The following TNN variants were observed in gnomAD, a reference collection of about 807,000 sequenced individuals.
TNN encodes tenascin-N.
Under a neutral mutation model 134.4 loss-of-function variants are expected in TNN, and 122 were observed. The observed-to-expected ratio is 0.91, with a 90% confidence interval of 0.78 to 1.06. The LOEUF (loss-of-function observed/expected upper bound fraction) is 1.06, where lower values mean the gene tolerates loss of function less well. Among genes scored for constraint, TNN ranks in the 50% least tolerant of loss-of-function variants. The probability of loss-of-function intolerance (pLI) is 0.00; values close to 1 mark genes in which losing one functional copy is unlikely to be tolerated. For missense variants in TNN, 1,739 were observed against 1,699.4 expected (o/e 1.02, Z -0.41); for synonymous variants, 710 against 670.3 (o/e 1.06, Z -0.91).
chr1:175,145,111 C>T (rs1432240932), intron 18 of TNN, among the ~76,000 whole-genome samples: 1 of 152,004 alleles, frequency 6.6e-6, no homozygotes, highest in Non-Finnish European at 1.5e-5. Flanking sequence ...CTCATGTAAA[C>T]CTAATTACCT....
intron 17 of TNN, 147 bp downstream of exon 17, chr1:175,137,135 A>C (rs1675832901): frequency 2.3e-6 from 2 of 860,694 alleles, no homozygotes; most frequent in African/African-American, 3.4e-5. Flanking sequence ...TACTCTCTGC[A>C]GGGGGTCAGG....
intron 15 of TNN, among the ~76,000 whole-genome samples, chr1:175,133,874 T>C (rs1675733569): frequency 6.6e-6 from 1 of 152,182 alleles, no homozygotes; most frequent in African/African-American, 2.4e-5. Context: ...TTCCAGCTTG[T>C]AGTTCTGCTG....
At chr1:175,123,379 T>A in intron 11 of TNN, 21 bp from the exon 12 acceptor site, 1 of 1,612,794 alleles carries the variant, frequency 6.2e-7, no homozygotes, top group Non-Finnish European at 8.5e-7. Context: ...AGTTCAGCCT[T>A]TTCTAAATCT....
At chr1:175,075,365 T>G (rs529527724) in intron 1 of TNN, among the ~76,000 whole-genome samples, 2 of 152,208 alleles carry the variant, frequency 1.3e-5, no homozygotes, top group Non-Finnish European at 2.9e-5. Flanking sequence ...TGGCATGGTC[T>G]CGGCTCACTG....
intron 9 of TNN, among the ~76,000 whole-genome samples, chr1:175,108,083 G>A (rs1574157862): frequency 6.6e-6 from 1 of 151,902 alleles, no homozygotes; most frequent in South Asian, 2.1e-4. Context: ...GTGCCGATTG[G>A]TGTATTTACA....
intron 9 of TNN, among the ~76,000 whole-genome samples, chr1:175,102,606 T>A (rs1490566761): frequency 2.1e-5 from 3 of 145,390 alleles, no homozygotes; most frequent in Non-Finnish European, 4.6e-5. Flanking sequence ...TGCGGGGCCC[T>A]CCAAGCCCAT....
chr1:175,135,816 C>T lies in TNN; in HGVS notation c.3331-29C>T, dbSNP rs115441680. On this transcript the variant is annotated intron_variant, in intron 15 of 18. Transcript: ENST00000239462. ...CAGCACCTATGTCTGTTTGGAGGGTCAGAGTGAAGTATTCATCTTCCTTCT... is the reference window on the plus strand; with the variant it reads ...CAGCACCTATGTCTGTTTGGAGGGTTAGAGTGAAGTATTCATCTTCCTTCT... 7,103 of 1,567,404 alleles carry T rather than the reference C, an allele frequency of 4.5e-3. 29 individuals carry two copies. Among genetic ancestry groups the T allele is most frequent in the Non-Finnish European group, 5.4e-3 (6,146 of 1,137,710 alleles).
In TNN at chr1:175,126,990, G is replaced by GT. The variant is rs1558370140; in HGVS notation, c.2951dup (p.Thr985AsnfsTer31). Reference sequence around the variant, plus strand: ...TCCCAGAAACCTTCGTCCATCTGCTGTAACGCAGTCTGGTGGCATATTGAC... The same window carrying GT: ...TCCCAGAAACCTTCGTCCATCTGCTGTTAACGCAGTCTGGTGGCATATTGAC... On this transcript the variant is annotated frameshift_variant, in exon 13 of 19. Transcript: ENST00000239462. LOFTEE classifies it high-confidence loss of function. 5.0e-6 allele frequency: 8 copies of GT among 1,614,024 alleles called. No individual in the cohort carries two copies. The highest frequency in any genetic ancestry group is 6.8e-6 in the Non-Finnish European group (8 of 1,180,012).
intron 6 of TNN, among the ~76,000 whole-genome samples, chr1:175,091,713 C>T (rs1053512587): frequency 2.0e-5 from 3 of 152,052 alleles, no homozygotes; most frequent in East Asian, 1.9e-4. Flanking sequence ...CTCAGCCTCC[C>T]GAGTAGCTGG....
chr1:175,089,880 C>T (rs1674402709), intron 6 of TNN, among the ~76,000 whole-genome samples: 1 of 152,150 alleles, frequency 6.6e-6, no homozygotes, highest in African/African-American at 2.4e-5. Context: ...CACAATGTTC[C>T]ATTTGAAATG....
At chr1:175,129,360 T>C (rs923789605) in intron 15 of TNN, among the ~76,000 whole-genome samples, 8 of 152,020 alleles carry the variant, frequency 5.3e-5, no homozygotes, top group Non-Finnish European at 1.0e-4. Context: ...TTTCTGGGAA[T>C]GCAGCCCAGC....
chr1:175,094,905 G>A lies in TNN; in HGVS notation c.1588+652G>A, dbSNP rs145155956. On this transcript the variant is annotated intron_variant, in intron 7 of 18. Transcript: ENST00000239462. ...CAAAACACCTGGCAGGAAATCAGAG[G>A]GAAAGGCTTCGCTTATTGTTTGCAT... Among the ~76,000 whole-genome samples, 956 of 152,306 alleles carry A rather than the reference G, an allele frequency of 6.3e-3. 13 individuals are homozygous for A. The highest frequency in any genetic ancestry group is 0.022 in the African/African-American group (909 of 41,574).
chr1:175,124,251 C>T (rs1009136104), intron 12 of TNN, among the ~76,000 whole-genome samples: 1 of 152,196 alleles, frequency 6.6e-6, no homozygotes, highest in Non-Finnish European at 1.5e-5. Context: ...AGTGTTGCCA[C>T]GGGACCTAGA....
chr1:175,140,963 C>G (rs1675931862), intron 17 of TNN, among the ~76,000 whole-genome samples: 2 of 152,170 alleles, frequency 1.3e-5, no homozygotes, highest in Non-Finnish European at 2.9e-5. Context: ...TGATACCTCC[C>G]TGCACGCACC....
Position 175,098,395 on chromosome 1 carries a change from G to A in TNN, c.1919G>A (p.Trp640Ter). 6.2e-7 allele frequency: 1 copy of A among 1,614,190 alleles called. No homozygotes were observed. ...RVTENMATVS[W>*]DPVQAAIDKY... ...ACAGAGAATATGGCCACGGTCTCCT[G>A]GGACCCGGTGCAGGCCGCCATTGAC... Residue 640 changes from tryptophan to a stop codon, truncating the protein, a stop_gained, in exon 9 of 19, where the codon TGG becomes TAG. Transcript: ENST00000239462. LOFTEE classifies it high-confidence loss of function.
rs374933244 is a variant in TNN at position 175,077,860 on chromosome 1, C to T, written c.409+33C>T. ...CACCACCTGGTATTCATTCAACAAA[C>T]ATTTGATGAGCACCTATTATGTGCC... On this transcript the variant is annotated intron_variant, in intron 2 of 18. Transcript: ENST00000239462. The T allele has an allele frequency of 2.4e-4, 384 of 1,587,518 alleles. 1 individual carries two copies. In the Middle Eastern group the frequency reaches 3.0e-3, roughly 13 times the overall value.
chr1:175,093,852 A>G (rs906762446), intron 6 of TNN, 138 bp from the exon 7 acceptor site: 20 of 807,722 alleles, frequency 2.5e-5, no homozygotes, highest in Non-Finnish European at 3.8e-5. Flanking sequence ...TCCACTTGTC[A>G]CTGATGATGG....
chr1:175,137,698 A>G (rs1461640711), intron 17 of TNN, among the ~76,000 whole-genome samples: 1 of 152,212 alleles, frequency 6.6e-6, no homozygotes, highest in African/African-American at 2.4e-5. Flanking sequence ...TTTTAATACC[A>G]ATATTTTAAA....
intron 2 of TNN, 52 bp downstream of exon 2, chr1:175,077,879 A>C: frequency 6.5e-7 from 1 of 1,548,976 alleles, no homozygotes; most frequent in Non-Finnish European, 8.8e-7. Context: ...AGCACCTATT[A>C]TGTGCCAGGG....
Sources: allele counts gnomAD v4.1 joint callset (sites outside exome capture counted in the v4.1 genomes callset), GRCh38; gene constraint gnomAD v4.1.1; transcripts MANE v1.5; gene names NCBI Gene and HGNC (gene_info 2026-07-23, HGNC 2026-07-21).